FRY: variants seen among roughly 807,000 people sequenced by gnomAD.
The protein encoded by FRY is FRY microtubule binding protein, also known as protein furry homolog.
In FRY, 128 loss-of-function variants were observed where a neutral mutation model predicts 348.4. The observed-to-expected ratio is 0.37, with a 90% CI of 0.32 to 0.43. FRY has a LOEUF of 0.43. Among genes scored for constraint, FRY ranks in the 20% least tolerant of loss-of-function variants. The pLI is 1.00. For missense variants in FRY, 2,736 were observed against 3,695.2 expected, an observed-to-expected ratio of 0.74 and a Z score of 6.73; for synonymous variants, 1,370 against 1,374.7, an observed-to-expected ratio of 1.00 and a Z score of 0.08.
chr13:32,068,090 T>A (rs1052005242), intron 1 of FRY, among the ~76,000 whole-genome samples: 6 of 152,168 alleles, frequency 3.9e-5, no homozygotes, highest in African/African-American at 1.4e-4. Flanking sequence ...GTGACTGTGA[T>A]GTGCTAAAGA....
chr13:32,064,064 G>A (rs1282826323), intron 1 of FRY, among the ~76,000 whole-genome samples: 1 of 152,174 alleles, frequency 6.6e-6, no homozygotes, highest in Non-Finnish European at 1.5e-5. Context: ...TTGCAGTTAA[G>A]TGTAGTGGGG....
At chr13:32,173,600 A>G (rs936149967) in intron 19 of FRY, 51 bp downstream of exon 19, 1 of 1,331,860 alleles carries the variant, frequency 7.5e-7, no homozygotes, top group East Asian at 2.3e-5. Flanking sequence ...AACTCTTCTG[A>G]AATTTAGATT....
chr13:32,189,669 C>T (rs1883219082), intron 28 of FRY, among the ~76,000 whole-genome samples: 1 of 151,816 alleles, frequency 6.6e-6, no homozygotes, highest in South Asian at 2.1e-4. Context: ...AAAAAGAAGA[C>T]TATAAAACCA....
At chr13:32,136,849 A>G in intron 10 of FRY, 22 bp from the exon 11 acceptor site, 143 of 1,159,674 alleles carry the variant, frequency 1.2e-4, no homozygotes, top group Non-Finnish European at 1.7e-4. Flanking sequence ...TGATCCTGTG[A>G]CCTCCTCTCC....
chr13:32,155,149 C>T (rs747394768), intron 14 of FRY, among the ~76,000 whole-genome samples: 1 of 152,088 alleles, frequency 6.6e-6, no homozygotes, highest in African/African-American at 2.4e-5. Context: ...GACGTATGAG[C>T]CCTTGTTTAC....
intron 59 of FRY, 89 bp downstream of exon 59, chr13:32,289,832 A>G (rs2138647092): frequency 2.6e-6 from 2 of 757,540 alleles, no homozygotes; most frequent in South Asian, 2.8e-5. Context: ...TAACTGCCCA[A>G]GTGATTTTAT....
Position 32,228,469 on chromosome 13 carries a change from C to T in FRY, c.5220C>T (p.Phe1740=). The T allele has an allele frequency of 6.2e-7, 1 of 1,612,362 alleles. No individual in the cohort carries two copies. The highest frequency in any genetic ancestry group is 2.2e-5 in the East Asian group (1 of 44,894). ...PEYLYTGGFD[F]LREDQSSPVP... is the part of the protein sequence containing the mutation. The stretch of plus-strand genomic sequence containing the variant: ...TTCTCCCACCAGGTGGCTTTGACTT[C>T]CTGAGAGAGGACCAGTCATCCCCGG... The change falls in exon 40 of 61, where the codon TTC becomes TTT. Residue 1740 remains phenylalanine, a synonymous_variant. Transcript: ENST00000542859.
intron 2 of FRY, among the ~76,000 whole-genome samples, chr13:32,096,178 A>G: frequency 6.6e-6 from 1 of 151,864 alleles, no homozygotes; most frequent in Non-Finnish European, 1.5e-5. Flanking sequence ...CTCAAGTCTC[A>G]TCTCACTGAT....
intron 1 of FRY, among the ~76,000 whole-genome samples, chr13:32,071,700 T>C (rs1874668505): frequency 1.3e-5 from 2 of 152,030 alleles, no homozygotes; most frequent in South Asian, 4.1e-4. Flanking sequence ...AATCCAAACG[T>C]AGAATGGTGG....
chr13:32,177,575 CAG>C (rs1012350268), intron 20 of FRY, among the ~76,000 whole-genome samples: 1 of 151,012 alleles, frequency 6.6e-6, no homozygotes, highest in Non-Finnish European at 1.5e-5. Flanking sequence ...GTCTGTGTGA[CAG>C]AGCAAGACTC....
intron 47 of FRY, among the ~76,000 whole-genome samples, chr13:32,246,725 C>G (rs1886825151): frequency 6.6e-6 from 1 of 152,214 alleles, no homozygotes; most frequent in Non-Finnish European, 1.5e-5. Context: ...CCAGGCAAGG[C>G]CCAAGAGGGT....
chr13:32,230,462 T>G lies in FRY; in HGVS notation c.5406-717T>G, dbSNP rs573269055. The stretch of plus-strand genomic sequence containing the variant: ...TATATAGTTTGCTAAGGTGATAGCC[T>G]CTAGCTCCATCCATGTCCCTCCAAA... On this transcript the variant is annotated intron_variant, in intron 40 of 60. Coordinates refer to ENST00000542859, the MANE Select transcript of FRY (RefSeq NM_023037.3). Among the ~76,000 whole-genome samples, 5 of 152,322 alleles carry G rather than the reference T, an allele frequency of 3.3e-5. No individual in the cohort carries two copies. The South Asian group carries it at 1.0e-3, about 32-fold the overall frequency.
At chr13:32,138,492 C>T (rs911917373) in intron 11 of FRY, among the ~76,000 whole-genome samples, 1 of 152,104 alleles carries the variant, frequency 6.6e-6, no homozygotes, top group Non-Finnish European at 1.5e-5. Context: ...TTAATTACTT[C>T]AAAGTTAGAA....
rs773395704 is a variant in FRY at position 32,254,235 on chromosome 13, A to T, written c.7257A>T (p.Ser2419=). 1 of 1,614,086 alleles carries T rather than the reference A, an allele frequency of 6.2e-7. No individual in the cohort carries two copies. The highest frequency in any genetic ancestry group is 8.5e-7 in the Non-Finnish European group (1 of 1,179,986). Residue 2419 remains serine, a synonymous_variant, in exon 51 of 61, where the codon TCA becomes TCT. Coordinates refer to ENST00000542859, the MANE Select transcript of FRY (RefSeq NM_023037.3). ...CTCTTGATTCGCAGGTGATTTTTTC[A>T]TCGTGTGGGGATCTGGATCTGCTTG... ...GLSKNPSVIF[S]SCGDLDLLEH... is the part of the protein sequence containing the mutation.
At chr13:32,076,842 C>A (rs1324450366) in intron 1 of FRY, among the ~76,000 whole-genome samples, 3 of 152,052 alleles carry the variant, frequency 2.0e-5, no homozygotes, top group South Asian at 2.1e-4. Context: ...ACAGGGCCGA[C>A]CCTAGACAAA....
chr13:32,057,647 C>T (rs1254499133), intron 1 of FRY, among the ~76,000 whole-genome samples: 1 of 152,168 alleles, frequency 6.6e-6, no homozygotes, highest in African/African-American at 2.4e-5. Flanking sequence ...TTGGGTTCAC[C>T]TTTCGTTTGC....
chr13:32,035,959 G>A (rs962898476), intron 1 of FRY, among the ~76,000 whole-genome samples: 3 of 152,114 alleles, frequency 2.0e-5, no homozygotes, highest in African/African-American at 7.2e-5. Flanking sequence ...GATAAGCCCA[G>A]GATCTGTTCA....
chr13:32,256,062 A>G (rs1194754571), intron 51 of FRY, among the ~76,000 whole-genome samples: 1 of 152,240 alleles, frequency 6.6e-6, no homozygotes, highest in Non-Finnish European at 1.5e-5. Flanking sequence ...AGTTTCTATC[A>G]AAATAAAGGA....
At chr13:32,113,285 A>G (rs1371532616) in intron 3 of FRY, among the ~76,000 whole-genome samples, 2 of 152,218 alleles carry the variant, frequency 1.3e-5, no homozygotes, top group Non-Finnish European at 2.9e-5. Context: ...TAAATGTTCC[A>G]TTTATGAGAA....
Sources: gnomAD v4.1 joint callset for allele counts (sites outside exome capture counted in the v4.1 genomes callset) on GRCh38, gnomAD v4.1.1 for gene constraint, MANE v1.5 for transcripts, NCBI Gene and HGNC (gene_info 2026-07-23, HGNC 2026-07-21) for gene names.